Variants in RANBP3L observed in about 807,000 individuals in gnomAD.
RANBP3L encodes RAN binding protein 3 like, also known as ran-binding protein 3-like.
RANBP3L carries 56 observed loss-of-function variants against 67.2 expected under a neutral mutation model. The ratio of observed to expected loss-of-function variants is 0.83; its 90% CI spans 0.67 to 1.04. RANBP3L has a LOEUF of 1.04. Among genes scored for constraint, RANBP3L ranks in the 50% least tolerant of loss-of-function variants. RANBP3L has a pLI of 0.00. For synonymous variants in RANBP3L, 164 were observed against 181.4 expected (o/e 0.90, Z 0.77); for missense variants, 496 against 535.5 (o/e 0.93, Z 0.73).
intron 1 of RANBP3L, among the ~76,000 whole-genome samples, chr5:36,272,303 A>T (rs1040391807): frequency 6.6e-6 from 1 of 152,222 alleles, no homozygotes; most frequent in Non-Finnish European, 1.5e-5. Context: ...TTGCTAAATG[A>T]TGACAACACA....
chr5:36,276,864 G>T (rs1750609580), intron 1 of RANBP3L, among the ~76,000 whole-genome samples: 1 of 152,152 alleles, frequency 6.6e-6, no homozygotes, highest in Non-Finnish European at 1.5e-5. Context: ...GGGCATGAGG[G>T]ACAGGCAGCT....
chr5:36,268,070 A>C, intron 4 of RANBP3L: 14 of 521,130 alleles, frequency 2.7e-5, no homozygotes, highest in South Asian at 3.9e-5. Context: ...ATACTTTGCT[A>C]AGGCCTCTGT....
chr5:36,268,650 A>C (rs1749981078), intron 4 of RANBP3L, among the ~76,000 whole-genome samples: 1 of 152,158 alleles, frequency 6.6e-6, no homozygotes, highest in Non-Finnish European at 1.5e-5. Flanking sequence ...GTTTACTCAG[A>C]ATACAGTGTA....
At chr5:36,267,503 G>A (rs7709624) in intron 4 of RANBP3L, among the ~76,000 whole-genome samples, 11,911 of 149,676 alleles carry the variant, frequency 0.08, 1,626 homozygotes, top group African/African-American at 0.28. Context: ...GCCAGACTCC[G>A]TCTCAAAAAA....
chr5:36,254,888 C>T (rs1292765445), intron 11 of RANBP3L, among the ~76,000 whole-genome samples: 1 of 152,090 alleles, frequency 6.6e-6, no homozygotes, highest in Non-Finnish European at 1.5e-5. Flanking sequence ...GTTTGACTGG[C>T]TCCAGCTTCT....
At chr5:36,268,923 G>A (rs987637854) in intron 4 of RANBP3L, among the ~76,000 whole-genome samples, 1 of 152,008 alleles carries the variant, frequency 6.6e-6, no homozygotes. Flanking sequence ...TGTTGGCCAG[G>A]CTGGTCTCAA....
Position 36,251,343 on chromosome 5 carries a change from C to A in RANBP3L, c.1324G>T (p.Asp442Tyr). 1 of 1,612,530 alleles carries A rather than the reference C, an allele frequency of 6.2e-7. No individual in the cohort carries two copies. The highest frequency in any genetic ancestry group is 8.5e-7 in the Non-Finnish European group (1 of 1,179,190). ...NCESCDENED[D>Y]FIQVTKNGSD... The stretch of plus-strand genomic sequence containing the variant: ...CCATTTTTAGTGACTTGGATGAAAT[C>A]ATCCTCATTCTCATCACAGCTTTCG... The change falls in exon 13 of 14, where the codon GAT (aspartate) becomes TAT (tyrosine). Residue 442 changes from aspartate to tyrosine, a missense_variant. Coordinates refer to ENST00000296604, the MANE Select transcript of RANBP3L (RefSeq NM_145000.5).
intron 1 of RANBP3L, among the ~76,000 whole-genome samples, chr5:36,300,443 T>G (rs779667275): frequency 6.6e-6 from 1 of 152,178 alleles, no homozygotes; most frequent in Non-Finnish European, 1.5e-5. Context: ...TGGGAGGTTT[T>G]GGCCCTTTAG....
intron 1 of RANBP3L, among the ~76,000 whole-genome samples, chr5:36,297,259 A>T (rs1752286026): frequency 6.6e-6 from 1 of 152,052 alleles, no homozygotes. Flanking sequence ...ATTAAGTGGA[A>T]GTGGATTGTC....
intron 8 of RANBP3L, among the ~76,000 whole-genome samples, chr5:36,260,558 T>G (rs1363840): frequency 0.31 from 46,905 of 151,998 alleles, 8,838 homozygotes; most frequent in South Asian, 0.48. Flanking sequence ...TCAGTAATAA[T>G]GTTATAATTA....
At chr5:36,266,578 C>T (rs1749805283) in intron 4 of RANBP3L, among the ~76,000 whole-genome samples, 1 of 152,152 alleles carries the variant, frequency 6.6e-6, no homozygotes, top group Non-Finnish European at 1.5e-5. Context: ...ACACCACTAA[C>T]ATTCTGCACA....
intron 12 of RANBP3L, among the ~76,000 whole-genome samples, chr5:36,252,504 A>C (rs1389302368): frequency 6.6e-6 from 1 of 152,138 alleles, no homozygotes; most frequent in Non-Finnish European, 1.5e-5. Flanking sequence ...ATCATTTTGC[A>C]GATGAATAAA....
intron 11 of RANBP3L, 126 bp from the exon 12 acceptor site, chr5:36,253,915 T>C (rs1748780454): frequency 1.2e-6 from 1 of 841,548 alleles, no homozygotes; most frequent in African/African-American, 1.7e-5. Flanking sequence ...ACTTGTGATT[T>C]GACTAGATTA....
chr5:36,287,338 G>C (rs958463607), intron 1 of RANBP3L, among the ~76,000 whole-genome samples: 1 of 152,116 alleles, frequency 6.6e-6, no homozygotes, highest in African/African-American at 2.4e-5. Flanking sequence ...TTGCCTTTCT[G>C]CCTCTGAGAA....
intron 1 of RANBP3L, among the ~76,000 whole-genome samples, chr5:36,280,383 T>C (rs551090036): frequency 6.6e-6 from 1 of 152,302 alleles, no homozygotes; most frequent in African/African-American, 2.4e-5. Context: ...TAGTGGGCCA[T>C]AGCCAGTGAC....
chr5:36,289,944 T>A (rs2112092030), intron 1 of RANBP3L, among the ~76,000 whole-genome samples: 1 of 152,288 alleles, frequency 6.6e-6, no homozygotes, highest in Admixed American at 6.5e-5. Context: ...ATAATGGACA[T>A]CTCTGTTTAT....
chr5:36,255,347 A>G, intron 11 of RANBP3L, 123 bp downstream of exon 11: 2 of 925,464 alleles, frequency 2.2e-6, no homozygotes, highest in Non-Finnish European at 3.1e-6. Context: ...AATATTTTCA[A>G]CAGTCTGATT....
intron 1 of RANBP3L, among the ~76,000 whole-genome samples, chr5:36,273,736 T>C (rs1314112665): frequency 6.6e-6 from 1 of 152,240 alleles, no homozygotes; most frequent in African/African-American, 2.4e-5. Flanking sequence ...ATTTTTAAAA[T>C]GTAGCCTTTT....
At chr5:36,290,196 A>G (rs904902959) in intron 1 of RANBP3L, among the ~76,000 whole-genome samples, 11 of 147,170 alleles carry the variant, frequency 7.5e-5, no homozygotes, top group African/African-American at 2.7e-4. Context: ...CATTCCTCAT[A>G]CTGGTGGTTT....
Sources: allele counts gnomAD v4.1 joint callset (sites outside exome capture counted in the v4.1 genomes callset), GRCh38; gene constraint gnomAD v4.1.1; transcripts MANE v1.5; gene names NCBI Gene and HGNC (gene_info 2026-07-23, HGNC 2026-07-21).